The following PPFIBP2 variants were observed in gnomAD, a reference collection of about 807,000 sequenced individuals.
The protein encoded by PPFIBP2 is liprin-beta-2.
In PPFIBP2, 118 loss-of-function variants were observed where a neutral mutation model predicts 118.3. The observed-to-expected ratio is 1.00, with a 90% CI of 0.86 to 1.16. PPFIBP2 has a LOEUF of 1.16. PPFIBP2 is among the 50% of genes most tolerant of loss of function. The pLI, the probability that PPFIBP2 is intolerant of heterozygous loss-of-function variation, is 0.00. For synonymous variants in PPFIBP2, 414 were observed against 397.4 expected (o/e 1.04, Z -0.50); for missense variants, 1,195 against 1,073.1 (o/e 1.11, Z -1.59).
At chr11:7,531,426 C>A (rs573257808) in intron 1 of PPFIBP2, among the ~76,000 whole-genome samples, 2 of 152,186 alleles carry the variant, frequency 1.3e-5, no homozygotes, top group African/African-American at 4.8e-5. Flanking sequence ...AAAATCTGGC[C>A]TCACTAAATG....
At chr11:7,659,923 A>G (rs112853367), downstream of PPFIBP2, among the ~76,000 whole-genome samples, 9 of 122,900 alleles carry the variant, frequency 7.3e-5, no homozygotes, top group African/African-American at 1.6e-4. Context: ...GTGAATGGGA[A>G]TTCACTCATG....
chr11:7,550,322 G>A (rs915365975), intron 2 of PPFIBP2, among the ~76,000 whole-genome samples: 1 of 152,208 alleles, frequency 6.6e-6, no homozygotes, highest in African/African-American at 2.4e-5. Flanking sequence ...GCTGTGGCTG[G>A]AAGAGAGCGT....
In PPFIBP2 at chr11:7,577,344, T is replaced by C. The variant is rs755379660; in HGVS notation, c.279+11577T>C. 2.8e-3 allele frequency: 836 copies of C among 302,646 alleles called. 2 individuals are homozygous for C. Among genetic ancestry groups the C allele is most frequent in the Middle Eastern group, 0.011 (9 of 836 alleles). The allele number at this position is 302,646 out of a possible 1,614,324, so 18.7% of individuals were successfully genotyped here. ...GCGTGTGTGTGTGTGTGTGTGTGTG[T>C]GTGTGTGTTTGTTGGGGTGGTCGGG... On this transcript the variant is annotated intron_variant, in intron 3 of 23. Coordinates refer to ENST00000299492, the MANE Select transcript of PPFIBP2 (RefSeq NM_003621.5).
chr11:7,587,707 A>C (rs111765899), intron 3 of PPFIBP2, among the ~76,000 whole-genome samples: 10 of 152,292 alleles, frequency 6.6e-5, no homozygotes, highest in South Asian at 2.1e-4. Flanking sequence ...GCCACTGACA[A>C]CCTCAGAACT....
At chr11:7,644,633 T>C (rs893543261) in intron 17 of PPFIBP2, among the ~76,000 whole-genome samples, 1 of 152,164 alleles carries the variant, frequency 6.6e-6, no homozygotes, top group African/African-American at 2.4e-5. Flanking sequence ...TAAAGATGCT[T>C]AAGCTTCAGG....
chr11:7,553,233 T>A (rs926077337), intron 2 of PPFIBP2, among the ~76,000 whole-genome samples: 1 of 152,038 alleles, frequency 6.6e-6, no homozygotes, highest in Non-Finnish European at 1.5e-5. Context: ...ATTATTATTT[T>A]TTTTGAAGAC....
At chr11:7,625,131 T>C (rs1849816128) in intron 7 of PPFIBP2, among the ~76,000 whole-genome samples, 1 of 150,412 alleles carries the variant, frequency 6.6e-6, no homozygotes, top group African/African-American at 2.5e-5. Flanking sequence ...GTATACAATG[T>C]TTTTTTTTGC....
intron 3 of PPFIBP2, among the ~76,000 whole-genome samples, chr11:7,588,406 C>T (rs963765651): frequency 2.0e-5 from 3 of 152,198 alleles, no homozygotes; most frequent in Admixed American, 6.5e-5. Context: ...ATAGAATACC[C>T]TGCACAGCTG....
the PPFIBP2 span, among the ~76,000 whole-genome samples, chr11:7,663,477 G>A: frequency 5.9e-5 from 9 of 152,320 alleles, no homozygotes; most frequent in East Asian, 1.9e-4. Flanking sequence ...AGTGGTCAGG[G>A]ACCCACTTGA....
chr11:7,583,697 T>C (rs1857610868), intron 3 of PPFIBP2, among the ~76,000 whole-genome samples: 1 of 152,156 alleles, frequency 6.6e-6, no homozygotes, highest in Admixed American at 6.5e-5. Context: ...TCTTGGTAAA[T>C]GTGTTTCTCT....
At chr11:7,600,270 C>G (rs1861192584) in intron 5 of PPFIBP2, among the ~76,000 whole-genome samples, 1 of 152,204 alleles carries the variant, frequency 6.6e-6, no homozygotes, top group Non-Finnish European at 1.5e-5. Context: ...TGGGTGGCAC[C>G]AGAGCTTGAG....
At chr11:7,551,170 C>G (rs1852943026) in intron 2 of PPFIBP2, among the ~76,000 whole-genome samples, 1 of 152,122 alleles carries the variant, frequency 6.6e-6, no homozygotes, top group African/African-American at 2.4e-5. Flanking sequence ...GATTTCCTAG[C>G]AATCCTTTTA....
At chr11:7,664,447 T>G in the PPFIBP2 span, among the ~76,000 whole-genome samples, 5,615 of 152,196 alleles carry the variant, frequency 0.037, 122 homozygotes, top group Non-Finnish European at 0.051. Context: ...GGCTCTCCTG[T>G]GGGTTTTAAG....
downstream of PPFIBP2, among the ~76,000 whole-genome samples, chr11:7,660,259 C>T (rs1032645671): frequency 8.0e-6 from 1 of 125,594 alleles, no homozygotes; most frequent in East Asian, 2.0e-4. Flanking sequence ...AGTTTTTGCC[C>T]ATTCAGTATG....
At chr11:7,525,622 C>T (rs943854800) in intron 1 of PPFIBP2, among the ~76,000 whole-genome samples, 4 of 152,208 alleles carry the variant, frequency 2.6e-5, no homozygotes, top group Non-Finnish European at 4.4e-5. Context: ...AGGACAAAAG[C>T]AGCAAACAGC....
chr11:7,629,148 G>A (rs962089629), intron 9 of PPFIBP2, among the ~76,000 whole-genome samples: 1 of 152,194 alleles, frequency 6.6e-6, no homozygotes, highest in East Asian at 1.9e-4. Context: ...ACTAGGACCA[G>A]AAGGCAGATT....
chr11:7,577,184 C>A (rs963359716), intron 3 of PPFIBP2: 12 of 176,142 alleles, frequency 6.8e-5, no homozygotes, highest in Admixed American at 5.8e-4. Flanking sequence ...AGAATGGTCC[C>A]GTGTGTGTGT....
At position 7,597,849 on chromosome 11, in the gene PPFIBP2, A is replaced by G. The variant is rs1590466100; in HGVS notation, c.486+176A>G. The stretch of plus-strand genomic sequence containing the variant: ...AGGTGAAACCAACCTGAACGTTGAG[A>G]GTGGCAGAGGGGGTAGGGAAGGGAA... On this transcript the variant is annotated intron_variant, in intron 5 of 23. Coordinates refer to ENST00000299492, the MANE Select transcript of PPFIBP2 (RefSeq NM_003621.5). 6.7e-5 allele frequency: 39 copies of G among 585,612 alleles called. No homozygotes were observed. The East Asian group carries it at 1.1e-3, about 17-fold the overall frequency. 36.3% of individuals were successfully genotyped at this position (585,612 alleles called of 1,614,324 possible). A position where few individuals can be genotyped will look rare whatever the true frequency, so the allele number is the denominator to read the frequency against.
chr11:7,639,709 C>A, intron 14 of PPFIBP2, 23 bp from the exon 15 acceptor site: 2 of 1,613,820 alleles, frequency 1.2e-6, no homozygotes, highest in South Asian at 1.1e-5. Flanking sequence ...CGGTATCTCT[C>A]TCTTTCTCTC....
Sources: gnomAD v4.1 joint callset for allele counts (sites outside exome capture counted in the v4.1 genomes callset) on GRCh38, gnomAD v4.1.1 for gene constraint, MANE v1.5 for transcripts, NCBI Gene and HGNC (gene_info 2026-07-23, HGNC 2026-07-21) for gene names.